FAM177A1: variants seen among roughly 807,000 people sequenced by gnomAD.
The protein encoded by FAM177A1 is family with sequence similarity 177 member A1.
A neutral mutation model predicts 26.1 loss-of-function variants in FAM177A1; 22 were observed. The ratio of observed to expected loss-of-function variants is 0.84; its 90% CI spans 0.60 to 1.20. FAM177A1 has a LOEUF of 1.20. Among genes scored for constraint, FAM177A1 ranks in the 50% most tolerant of loss-of-function variants. The pLI is 0.00. For missense variants in FAM177A1, 296 were observed against 291.1 expected, an observed-to-expected ratio of 1.02 and a Z score of -0.12; for synonymous variants, 95 against 99.3, an observed-to-expected ratio of 0.96 and a Z score of 0.26.
intron 2 of FAM177A1, among the ~76,000 whole-genome samples, chr14:35,072,479 G>A (rs2045337791): frequency 6.6e-6 from 1 of 152,102 alleles, no homozygotes; most frequent in Non-Finnish European, 1.5e-5. Flanking sequence ...AAGAGAGAAA[G>A]GCGTACTTGC....
intron 1 of FAM177A1, among the ~76,000 whole-genome samples, chr14:35,051,428 T>C (rs1265060587): frequency 6.6e-6 from 1 of 152,084 alleles, no homozygotes; most frequent in African/African-American, 2.4e-5. Context: ...TATTTTTATT[T>C]TTTTGAGACA....
intron 2 of FAM177A1, among the ~76,000 whole-genome samples, chr14:35,076,629 T>C (rs2045400919): frequency 6.6e-6 from 1 of 152,090 alleles, no homozygotes; most frequent in Non-Finnish European, 1.5e-5. Context: ...CAAACGAAAC[T>C]TATCTTGCCG....
chr14:35,065,160 A>G (rs1026905934), intron 2 of FAM177A1, among the ~76,000 whole-genome samples: 1 of 151,262 alleles, frequency 6.6e-6, no homozygotes, highest in South Asian at 2.1e-4. Flanking sequence ...AATAACTATA[A>G]TATTTTTGGA....
chr14:35,047,828 C>T, intron 1 of FAM177A1, among the ~76,000 whole-genome samples: 1 of 152,126 alleles, frequency 6.6e-6, no homozygotes, highest in East Asian at 1.9e-4. Context: ...TCTTCCCATC[C>T]TCCATGAGAA....
intron 2 of FAM177A1, among the ~76,000 whole-genome samples, chr14:35,072,914 C>G (rs1212434255): frequency 6.6e-6 from 1 of 152,114 alleles, no homozygotes; most frequent in African/African-American, 2.4e-5. Flanking sequence ...TGTCGTAAAT[C>G]CTGTGAAGAT....
intron 2 of FAM177A1, among the ~76,000 whole-genome samples, chr14:35,053,903 G>T (rs924454273): frequency 6.6e-6 from 1 of 152,174 alleles, no homozygotes; most frequent in African/African-American, 2.4e-5. Flanking sequence ...TGAGGCAGGA[G>T]AATTGCTTGA....
At chr14:35,047,098 C>A in intron 1 of FAM177A1, 1 of 789,246 alleles carries the variant, frequency 1.3e-6, no homozygotes, top group Non-Finnish European at 1.5e-6. Context: ...GGTGTTAGCC[C>A]CATTTCACCG....
chr14:35,054,551 A>G (rs2045029421), intron 2 of FAM177A1: 1 of 152,186 alleles, frequency 6.6e-6, no homozygotes, highest in Non-Finnish European at 1.5e-5. Flanking sequence ...AAATAAATAT[A>G]TACTATAATT....
intron 3 of FAM177A1, 52 bp downstream of exon 3, chr14:35,077,268 A>G: frequency 6.5e-7 from 1 of 1,528,704 alleles, no homozygotes; most frequent in Non-Finnish European, 9.1e-7. Flanking sequence ...TGCTTCAGCA[A>G]CAGGAACTTT....
chr14:35,079,085 C>T, intron 4 of FAM177A1, 61 bp downstream of exon 4: 1 of 1,248,898 alleles, frequency 8.0e-7, no homozygotes, highest in Non-Finnish European at 1.1e-6. Context: ...TGATGGGTTG[C>T]ATAATGAGCC....
chr14:35,071,245 C>G (rs1266702734), intron 2 of FAM177A1, among the ~76,000 whole-genome samples: 2 of 151,972 alleles, frequency 1.3e-5, no homozygotes, highest in African/African-American at 4.8e-5. Context: ...GATCCACCCT[C>G]CTCGGCCTCC....
intron 1 of FAM177A1, among the ~76,000 whole-genome samples, chr14:35,048,790 T>C (rs1056545244): frequency 2.6e-5 from 4 of 151,852 alleles, no homozygotes; most frequent in African/African-American, 7.3e-5. Context: ...TTGGCAGAAC[T>C]GAGAAATCCC....
chr14:35,079,069 T>C (rs746856414), intron 4 of FAM177A1, 45 bp downstream of exon 4: 1 of 1,434,004 alleles, frequency 7.0e-7, no homozygotes, highest in Non-Finnish European at 9.4e-7. Context: ...TGGTTTGCTA[T>C]GGACTTGATG....
chr14:35,055,829 A>G (rs1204315425), intron 2 of FAM177A1, among the ~76,000 whole-genome samples: 1 of 152,128 alleles, frequency 6.6e-6, no homozygotes, highest in African/African-American at 2.4e-5. Context: ...CCACATATTC[A>G]GCATCACTTG....
chr14:35,060,499 C>G (rs1480820219), intron 2 of FAM177A1, among the ~76,000 whole-genome samples: 1 of 151,660 alleles, frequency 6.6e-6, no homozygotes, highest in Non-Finnish European at 1.5e-5. Flanking sequence ...ATGGGTCATA[C>G]TTTTCTGTTT....
At chr14:35,058,198 C>T (rs1459316529) in intron 2 of FAM177A1, among the ~76,000 whole-genome samples, 1 of 152,028 alleles carries the variant, frequency 6.6e-6, no homozygotes, top group African/African-American at 2.4e-5. Flanking sequence ...TTCAGCCTCC[C>T]ATGTAGCTGA....
chr14:35,067,813 A>G (rs775570089), intron 2 of FAM177A1, among the ~76,000 whole-genome samples: 5 of 152,288 alleles, frequency 3.3e-5, no homozygotes, highest in South Asian at 4.1e-4. Flanking sequence ...TCTGTTGACT[A>G]TTCATATGCC....
intron 2 of FAM177A1, among the ~76,000 whole-genome samples, chr14:35,062,331 A>G (rs1036335570): frequency 2.0e-5 from 3 of 152,158 alleles, no homozygotes; most frequent in African/African-American, 7.2e-5. Context: ...ATCCACTATT[A>G]AGGTCTTTAA....
chr14:35,050,348 C>T (rs2044944992), intron 1 of FAM177A1: 1 of 151,888 alleles, frequency 6.6e-6, no homozygotes, highest in South Asian at 2.1e-4. Context: ...ATTTCTGGTT[C>T]AAGTTGATGT....
Sources: gnomAD v4.1 joint callset for allele counts (sites outside exome capture counted in the v4.1 genomes callset) on GRCh38, gnomAD v4.1.1 for gene constraint, MANE v1.5 for transcripts, NCBI Gene and HGNC (gene_info 2026-07-23, HGNC 2026-07-21) for gene names.